KIF26B: variants seen among roughly 807,000 people sequenced by gnomAD.
KIF26B encodes kinesin family member 26B.
In KIF26B, 63 loss-of-function variants were observed where a neutral mutation model predicts 151.2. That is an observed-to-expected ratio of 0.42 (90% CI 0.34 to 0.51). KIF26B has a LOEUF of 0.51. KIF26B is among the 20% of genes least tolerant of loss of function. The pLI, the probability that KIF26B is intolerant of heterozygous loss-of-function variation, is 0.07. For missense variants in KIF26B, 2,813 were observed against 2,913.6 expected, an observed-to-expected ratio of 0.97 and a Z score of 0.79; for synonymous variants, 1,357 against 1,262.1, an observed-to-expected ratio of 1.08 and a Z score of -1.59.
chr1:245,210,043 A>G (rs1669483438), intron 2 of KIF26B, among the ~76,000 whole-genome samples: 1 of 152,242 alleles, frequency 6.6e-6, no homozygotes, highest in South Asian at 2.1e-4. Flanking sequence ...CAAAATCCAG[A>G]GGCCAGGAAG....
chr1:245,680,242 G>T (rs541935474), intron 10 of KIF26B, among the ~76,000 whole-genome samples: 62 of 152,146 alleles, frequency 4.1e-4, no homozygotes, highest in Admixed American at 2.6e-3. Flanking sequence ...TCATCATGAG[G>T]TTGGGAAAGC....
At chr1:245,531,167 A>AG (rs1661349648) in intron 4 of KIF26B, among the ~76,000 whole-genome samples, 1 of 152,252 alleles carries the variant, frequency 6.6e-6, no homozygotes, top group Admixed American at 6.5e-5. Context: ...GTAAGTGCTT[A>AG]TGTATAATAT....
At chr1:245,626,012 T>C (rs2043720355) in intron 9 of KIF26B, among the ~76,000 whole-genome samples, 1 of 152,202 alleles carries the variant, frequency 6.6e-6, no homozygotes, top group Non-Finnish European at 1.5e-5. Flanking sequence ...TAGTATTCCA[T>C]TGTGTATATA....
chr1:245,696,609 T>G (rs529967739), intron 12 of KIF26B, among the ~76,000 whole-genome samples: 1 of 151,932 alleles, frequency 6.6e-6, no homozygotes, highest in South Asian at 2.1e-4. Context: ...CAACAAACAG[T>G]CAGCTAGCTT....
Position 245,417,643 on chromosome 1 carries a change from A to G in KIF26B, c.1000-1936A>G, listed in dbSNP as rs115324977. On this transcript the variant is annotated intron_variant, in intron 3 of 14. Transcript: ENST00000407071. ...GGCACAAGATAGCCAATAGCTTTCT[A>G]GTCAGGAAGCTCGTGCATTGAAATT... 2.7e-3 allele frequency among the ~76,000 whole-genome samples: 415 copies of G among 152,380 alleles called. 4 individuals carry two copies. Among genetic ancestry groups the G allele is most frequent in the African/African-American group, 9.5e-3 (396 of 41,592 alleles).
At chr1:245,475,542 ATC>A in intron 4 of KIF26B, among the ~76,000 whole-genome samples, 1 of 151,978 alleles carries the variant, frequency 6.6e-6, no homozygotes, top group South Asian at 2.1e-4. Context: ...GCCAGACTCC[ATC>A]TCTTACAAAT....
intron 9 of KIF26B, 86 bp from the exon 10 acceptor site, chr1:245,646,034 CT>C: frequency 7.0e-7 from 1 of 1,424,122 alleles, no homozygotes; most frequent in East Asian, 2.3e-5. Flanking sequence ...CTCATTTTGC[CT>C]CAGATTTCCC....
chr1:245,621,407 T>C (rs1037619741), intron 9 of KIF26B, among the ~76,000 whole-genome samples: 4 of 152,222 alleles, frequency 2.6e-5, no homozygotes, highest in African/African-American at 9.6e-5. Context: ...TAGGAGAATT[T>C]AGGATTTCCT....
chr1:245,419,011 T>C (rs911758718), intron 3 of KIF26B, among the ~76,000 whole-genome samples: 10 of 152,200 alleles, frequency 6.6e-5, no homozygotes, highest in Non-Finnish European at 1.5e-4. Flanking sequence ...CTTCAAAAAA[T>C]ATTGGTAATT....
At chr1:245,384,157 A>G (rs977588540) in intron 3 of KIF26B, among the ~76,000 whole-genome samples, 15 of 152,158 alleles carry the variant, frequency 9.9e-5, no homozygotes, top group African/African-American at 2.7e-4. Context: ...TTCCCCTGAC[A>G]GTGTGCTCCG....
chr1:245,497,309 A>G (rs930962738), intron 4 of KIF26B, among the ~76,000 whole-genome samples: 9 of 152,212 alleles, frequency 5.9e-5, no homozygotes, highest in African/African-American at 1.9e-4. Context: ...CAGTTAGGAG[A>G]GAAGATCTGA....
chr1:245,461,593 C>T (rs1245041473), intron 4 of KIF26B, among the ~76,000 whole-genome samples: 1 of 152,072 alleles, frequency 6.6e-6, no homozygotes, highest in Admixed American at 6.6e-5. Context: ...CCTTTGCTCC[C>T]ATCACCTCCA....
Position 245,156,461 on chromosome 1 carries a change from C to T in KIF26B, c.243C>T (p.Phe81=), listed in dbSNP as rs1668434868. 3.9e-6 allele frequency: 6 copies of T among 1,525,874 alleles called. No individual in the cohort carries two copies. Among genetic ancestry groups the T allele is most frequent in the Non-Finnish European group, 5.3e-6 (6 of 1,140,444 alleles). 94.5% of individuals were successfully genotyped at this position (1,525,874 alleles called of 1,614,324 possible). ...CGGGCACCTCGTCCCCGAGCTCGTTCACCGGCTCCCCGGGACCCGCCTCCC... is the reference window on the plus strand; with the variant it reads ...CGGGCACCTCGTCCCCGAGCTCGTTTACCGGCTCCCCGGGACCCGCCTCCC... ...PGSGTSSPSS[F]TGSPGPASPG... is the part of the protein sequence containing the mutation. Residue 81 remains phenylalanine, a synonymous_variant, in exon 2 of 15, where the codon TTC becomes TTT. Coordinates refer to ENST00000407071, the MANE Select transcript of KIF26B (RefSeq NM_018012.4).
intron 4 of KIF26B, among the ~76,000 whole-genome samples, chr1:245,487,994 G>A (rs1660319553): frequency 6.6e-6 from 1 of 151,994 alleles, no homozygotes; most frequent in Non-Finnish European, 1.5e-5. Flanking sequence ...CTCCAAGTCG[G>A]CCACGTTGGT....
In KIF26B at chr1:245,299,760, A is replaced by G. The variant is rs115202465; in HGVS notation, c.466-67074A>G. On this transcript the variant is annotated intron_variant, in intron 2 of 14. Transcript: ENST00000407071. ...ATGCTTTCTACCGTTCTGCTGTACC[A>G]GCTGGAAAACAAAATCCCATTCGAG... Among the ~76,000 whole-genome samples the G allele has an allele frequency of 3.6e-3, 543 of 152,286 alleles. 1 individual carries two copies. The highest frequency in any genetic ancestry group is 0.012 in the African/African-American group (514 of 41,558).
At chr1:245,356,102 C>T (rs766751405) in intron 2 of KIF26B, among the ~76,000 whole-genome samples, 20 of 152,246 alleles carry the variant, frequency 1.3e-4, no homozygotes, top group Admixed American at 4.6e-4. Context: ...AGTGACTCTG[C>T]GCAGGGGGCG....
chr1:245,611,716 T>G, intron 8 of KIF26B, 77 bp from the exon 9 acceptor site: 1 of 1,462,686 alleles, frequency 6.8e-7, no homozygotes, highest in Non-Finnish European at 9.3e-7. Flanking sequence ...AGCTGAATGG[T>G]GCTGGGGACA....
intron 5 of KIF26B, among the ~76,000 whole-genome samples, chr1:245,579,882 A>G (rs2043158363): frequency 6.6e-6 from 1 of 151,356 alleles, no homozygotes; most frequent in Non-Finnish European, 1.5e-5. Context: ...TTTGATTTTC[A>G]TGAATACCAG....
chr1:245,269,963 G>A (rs1342164018), intron 2 of KIF26B, among the ~76,000 whole-genome samples: 1 of 152,184 alleles, frequency 6.6e-6, no homozygotes, highest in African/African-American at 2.4e-5. Context: ...TAAATACCCA[G>A]AGGTGGGGTT....
Sources: gnomAD v4.1 joint callset for allele counts (sites outside exome capture counted in the v4.1 genomes callset) on GRCh38, gnomAD v4.1.1 for gene constraint, MANE v1.5 for transcripts, NCBI Gene and HGNC (gene_info 2026-07-23, HGNC 2026-07-21) for gene names.